The following MAP6 variants were observed in gnomAD, a reference collection of about 807,000 sequenced individuals.
MAP6 encodes microtubule-associated protein 6.
Under a neutral mutation model 42.4 loss-of-function variants are expected in MAP6, and 26 were observed. The observed-to-expected ratio is 0.61, with a 90% CI of 0.45 to 0.85. The LOEUF is 0.85. Among genes scored for constraint, MAP6 ranks in the 40% least tolerant of loss-of-function variants. The pLI is 0.00. For missense variants in MAP6, 966 were observed against 1,099.0 expected (o/e 0.88, Z 1.71); for synonymous variants, 418 against 443.8 (o/e 0.94, Z 0.73).
intron 1 of MAP6, among the ~76,000 whole-genome samples, chr11:75,618,875 C>T (rs1304351625): frequency 2.6e-5 from 4 of 152,226 alleles, no homozygotes; most frequent in African/African-American, 9.6e-5. Context: ...AGAAGCACAG[C>T]ATATCCCTGG....
rs1942395344 is a variant in MAP6 at position 75,588,037 on chromosome 11, C to T, written c.1464G>A (p.Val488=). 2 of 1,613,932 alleles carry T rather than the reference C, an allele frequency of 1.2e-6. No homozygotes were observed. Among genetic ancestry groups the T allele is most frequent in the African/African-American group, 1.3e-5 (1 of 74,924 alleles). Residue 488 remains valine, a synonymous_variant, in exon 4 of 4, where the codon GTG becomes GTA. Coordinates refer to ENST00000304771, the MANE Select transcript of MAP6 (RefSeq NM_033063.2). ...CTAGATCCTTTGGAGGCCCTGGGAC[C>T]ACAGAACCTTGCTTCTTCAGAGGCT... is the stretch of plus-strand genomic sequence containing the variant. ...VQEPLKKQGS[V]VPGPPKDLGP... is the part of the protein sequence containing the mutation.
chr11:75,667,532 C>G lies in MAP6; in HGVS notation c.838G>C (p.Ala280Pro). 6.7e-7 allele frequency: 1 copy of G among 1,494,912 alleles called. No homozygotes were observed. The highest frequency in any genetic ancestry group is 8.8e-7 in the Non-Finnish European group (1 of 1,130,732). 92.6% of individuals were successfully genotyped at this position (1,494,912 alleles called of 1,614,324 possible). The stretch of plus-strand genomic sequence containing the variant: ...TGCCGGTTGAGGGCGTCCGCCGCGG[C>G]GCGCCCCCTGCCAGCCTCGGGGCCG... ...ATGPEAGRGR[A>P]AADALNRQIR... The change falls in exon 1 of 4, where the codon GCC becomes CCC. Residue 280 changes from alanine to proline, a missense_variant. Ala to Pro is a conservative substitution (Grantham distance 27). Around this residue, in one of 2 missense-constraint regions of MAP6, gnomAD observed 943 missense variants for 1,049.9 expected, o/e 0.90. Transcript: ENST00000304771. The surrounding 1 kb of genome is among the most constrained non-coding windows in gnomAD (Gnocchi z 5.6).
intron 3 of MAP6, chr11:75,604,327 C>T (rs144206001): frequency 4.2e-5 from 41 of 985,672 alleles, no homozygotes; most frequent in Admixed American, 1.8e-4. Context: ...AGAGAGAGTT[C>T]GTGGAGGCTC....
At chr11:75,662,577 T>C (rs565859783) in intron 1 of MAP6, among the ~76,000 whole-genome samples, 1 of 152,310 alleles carries the variant, frequency 6.6e-6, no homozygotes, top group African/African-American at 2.4e-5. Context: ...TTAGGCTCCA[T>C]TTTAAGCCCA....
At chr11:75,611,186 C>T (rs1942890374) in intron 1 of MAP6, among the ~76,000 whole-genome samples, 1 of 152,244 alleles carries the variant, frequency 6.6e-6, no homozygotes, top group Non-Finnish European at 1.5e-5. Context: ...TAGATGGGCT[C>T]CTGGTATTTG....
intron 1 of MAP6, among the ~76,000 whole-genome samples, chr11:75,619,855 C>T (rs1203781973): frequency 2.0e-5 from 3 of 152,048 alleles, no homozygotes; most frequent in Non-Finnish European, 4.4e-5. Flanking sequence ...AATGGGATTG[C>T]TGGGTTGAAT....
chr11:75,660,366 C>T (rs1440766178), intron 1 of MAP6, among the ~76,000 whole-genome samples: 2 of 152,170 alleles, frequency 1.3e-5, no homozygotes, highest in Non-Finnish European at 2.9e-5. Flanking sequence ...CCTCAAACAC[C>T]TCTTGTTAGA....
At chr11:75,626,227 G>A (rs2135623911) in intron 1 of MAP6, among the ~76,000 whole-genome samples, 1 of 152,356 alleles carries the variant, frequency 6.6e-6, no homozygotes, top group Admixed American at 6.5e-5. Context: ...CAGGCACTGA[G>A]AAAAGGCTTG....
At chr11:75,604,394 C>T in intron 3 of MAP6, 1 of 985,346 alleles carries the variant, frequency 1.0e-6, no homozygotes, top group Non-Finnish European at 1.2e-6. Flanking sequence ...ACTGTGAGAC[C>T]CTCACTCTTC....
chr11:75,668,523 C>G lies in MAP6; in HGVS notation c.-154G>C, dbSNP rs1944006248. Reference sequence around the variant, plus strand: ...GAGCTAGTTCGCCCTCCTCCCTCAGCGAGCACCCGGGGAGAGCTGTCCTAG... The same window carrying G: ...GAGCTAGTTCGCCCTCCTCCCTCAGGGAGCACCCGGGGAGAGCTGTCCTAG... On this transcript the variant is annotated 5_prime_UTR_variant, in exon 1 of 4. Transcript: ENST00000304771. The G allele has an allele frequency of 3.5e-6, 4 of 1,143,590 alleles. No individual in the cohort carries two copies. In the South Asian group the frequency reaches 6.8e-5, roughly 19 times the overall value. 70.8% of individuals were successfully genotyped at this position (1,143,590 alleles called of 1,614,324 possible).
chr11:75,668,204 CCGGCTGCGCCTGCTGCTG>C lies in MAP6; in HGVS notation c.148_165del (p.Gln50_Pro55del). 1.6e-6 allele frequency: 2 copies of C among 1,271,182 alleles called. No individual in the cohort carries two copies. Among genetic ancestry groups the C allele is most frequent in the Non-Finnish European group, 2.0e-6 (2 of 1,016,992 alleles). 78.7% of individuals were successfully genotyped at this position (1,271,182 alleles called of 1,614,324 possible). ...GCGCGCGCCGAGGGGGGCGCGAGCG[CCGGCTGCGCCTGCTGCTG>C]CGGCGGCGGTGGCTGCGGCGGGGCG... On this transcript the variant is annotated inframe_deletion, in exon 1 of 4. Transcript: ENST00000304771.
intron 2 of MAP6, 105 bp downstream of exon 2, chr11:75,608,004 C>T: frequency 9.5e-7 from 1 of 1,048,672 alleles, no homozygotes; most frequent in Non-Finnish European, 1.4e-6. Flanking sequence ...TTAAAGGTGC[C>T]CGTGGAGGCT....
intron 1 of MAP6, among the ~76,000 whole-genome samples, chr11:75,621,427 C>T (rs1943109819): frequency 6.6e-6 from 1 of 152,160 alleles, no homozygotes; most frequent in Non-Finnish European, 1.5e-5. Flanking sequence ...ACATAATACT[C>T]AATGGTAAAA....
intron 1 of MAP6, among the ~76,000 whole-genome samples, chr11:75,637,118 T>G (rs75175686): frequency 0.016 from 2,412 of 152,336 alleles, 55 homozygotes; most frequent in African/African-American, 0.056. Flanking sequence ...AACTATTTGT[T>G]AAGTGAATTT....
At position 75,641,147 on chromosome 11, in the gene MAP6, T is replaced by C. The variant is rs543943581; in HGVS notation, c.905+26318A>G. 4.6e-5 allele frequency among the ~76,000 whole-genome samples: 7 copies of C among 152,272 alleles called. No homozygotes were observed. In the East Asian group the frequency reaches 1.2e-3, roughly 25 times the overall value. Reference sequence around the variant, plus strand: ...GGCACATATACACCATGGAACACTATGCAGCCATAAAAAATGATGAGTTCA... The same window carrying C: ...GGCACATATACACCATGGAACACTACGCAGCCATAAAAAATGATGAGTTCA... On this transcript the variant is annotated intron_variant, in intron 1 of 3. Coordinates refer to ENST00000304771, the MANE Select transcript of MAP6 (RefSeq NM_033063.2).
intron 3 of MAP6, among the ~76,000 whole-genome samples, chr11:75,595,466 C>T (rs1325655181): frequency 6.6e-6 from 1 of 152,184 alleles, no homozygotes; most frequent in Non-Finnish European, 1.5e-5. Context: ...TCTCAGTTGG[C>T]TCTGTCCCTT....
intron 1 of MAP6, among the ~76,000 whole-genome samples, chr11:75,654,754 C>G (rs777251130): frequency 6.6e-5 from 10 of 152,170 alleles, no homozygotes; most frequent in African/African-American, 2.2e-4. Context: ...TTATCTCCCC[C>G]CAACTTCATC....
intron 3 of MAP6, among the ~76,000 whole-genome samples, chr11:75,590,613 T>A (rs968321623): frequency 3.3e-5 from 5 of 152,238 alleles, no homozygotes; most frequent in Non-Finnish European, 7.3e-5. Flanking sequence ...TTAGTGGGTA[T>A]CTTTAATCAT....
intron 3 of MAP6, chr11:75,602,984 C>T: frequency 1.0e-6 from 1 of 985,830 alleles, no homozygotes; most frequent in Non-Finnish European, 1.2e-6. Flanking sequence ...TTGTCATTCT[C>T]TTACAGCAGG....
Sources: gnomAD v4.1 joint callset for allele counts (sites outside exome capture counted in the v4.1 genomes callset) on GRCh38, gnomAD v4.1.1 for gene constraint, gnomAD v4.1.1 regional missense constraint, Gnocchi (gnomAD v3.1) non-coding constraint, MANE v1.5 for transcripts, NCBI Gene and HGNC (gene_info 2026-07-23, HGNC 2026-07-21) for gene names.